PITPNA: variants seen among roughly 807,000 people sequenced by gnomAD.
The protein encoded by PITPNA is phosphatidylinositol transfer protein alpha isoform.
PITPNA carries 13 observed loss-of-function variants against 50.3 expected under a neutral mutation model. The observed-to-expected ratio is 0.26, with a 90% confidence interval of 0.17 to 0.41. The LOEUF (loss-of-function observed/expected upper bound fraction) is 0.41, where lower values mean the gene tolerates loss of function less well. Among genes scored for constraint, PITPNA ranks in the 10% least tolerant of loss-of-function variants. The pLI is 1.00. For missense variants in PITPNA, 207 were observed against 333.4 expected (o/e 0.62, Z 2.95); for synonymous variants, 120 against 119.6 (o/e 1.00, Z -0.02).
intron 10 of PITPNA, among the ~76,000 whole-genome samples, chr17:1,531,120 A>G (rs2075579906): frequency 6.6e-6 from 1 of 152,068 alleles, no homozygotes; most frequent in African/African-American, 2.4e-5. Context: ...AGGTGCTGCT[A>G]GGGGGAAGGT....
intron 4 of PITPNA, among the ~76,000 whole-genome samples, chr17:1,547,319 T>A (rs144510496): frequency 6.6e-6 from 1 of 151,898 alleles, no homozygotes; most frequent in Non-Finnish European, 1.5e-5. Context: ...TGAGCTGTGG[T>A]TGTGCCACTG....
At chr17:1,551,316 G>A (rs2075708112) in intron 3 of PITPNA, among the ~76,000 whole-genome samples, 1 of 151,102 alleles carries the variant, frequency 6.6e-6, no homozygotes, top group African/African-American at 2.4e-5. Flanking sequence ...GAGACAGGCG[G>A]GATCTCATTC....
At chr17:1,540,951 T>A (rs2075645376) in intron 6 of PITPNA, among the ~76,000 whole-genome samples, 1 of 152,082 alleles carries the variant, frequency 6.6e-6, no homozygotes, top group Non-Finnish European at 1.5e-5. Flanking sequence ...CAGGCTGGAG[T>A]GTGGTGGTGC....
intron 4 of PITPNA, among the ~76,000 whole-genome samples, chr17:1,547,235 A>G (rs930256669): frequency 6.7e-6 from 1 of 150,230 alleles, no homozygotes; most frequent in Non-Finnish European, 1.5e-5. Flanking sequence ...ACATGATGGC[A>G]TATGCCTATA....
intron 3 of PITPNA, among the ~76,000 whole-genome samples, chr17:1,549,385 T>A (rs185694673): frequency 6.6e-6 from 1 of 151,324 alleles, no homozygotes; most frequent in Admixed American, 6.6e-5. Context: ...GGCTCGATCT[T>A]GGCTCACTGC....
chr17:1,524,601 C>T (rs1054326509), intron 10 of PITPNA, among the ~76,000 whole-genome samples: 2 of 152,034 alleles, frequency 1.3e-5, no homozygotes, highest in Admixed American at 1.3e-4. Flanking sequence ...GATAACAGTA[C>T]ATAGGATTGT....
At position 1,522,071 on chromosome 17, in the gene PITPNA, C is replaced by CTTTTCTTTTCTTT. The variant is rs751204255; in HGVS notation, c.769-427_769-426insAAAGAAAAGAAAA. Among the ~76,000 whole-genome samples the CTTTTCTTTTCTTT allele has an allele frequency of 2.2e-3, 308 of 141,660 alleles. 3 individuals carry two copies. Among genetic ancestry groups the CTTTTCTTTTCTTT allele is most frequent in the African/African-American group, 7.9e-3 (293 of 37,260 alleles). 92.9% of individuals were successfully genotyped at this position (141,660 alleles called of 152,430 possible). A position where few individuals can be genotyped will look rare whatever the true frequency, so the allele number is the denominator to read the frequency against. ...CATTCAACAAATACTTATGAAACAT[C>CTTTTCTTTTCTTT]TTTTTTTTTTTGAGACGGAGTCTCG... On this transcript the variant is annotated intron_variant, in intron 10 of 11. Transcript: ENST00000313486.
intron 2 of PITPNA, among the ~76,000 whole-genome samples, chr17:1,553,801 T>G (rs1338153329): frequency 6.6e-6 from 1 of 152,176 alleles, no homozygotes; most frequent in Non-Finnish European, 1.5e-5. Context: ...TCTACTCGCT[T>G]CTTCTCTAGT....
intron 4 of PITPNA, among the ~76,000 whole-genome samples, chr17:1,545,741 A>G (rs1304334892): frequency 6.6e-6 from 1 of 152,128 alleles, no homozygotes; most frequent in African/African-American, 2.4e-5. Context: ...CACTCTTCCC[A>G]GAATGACACA....
chr17:1,533,463 A>AC (rs2075596158), intron 10 of PITPNA, among the ~76,000 whole-genome samples: 1 of 152,126 alleles, frequency 6.6e-6, no homozygotes, highest in Admixed American at 6.5e-5. Context: ...AGAATGGTAG[A>AC]CGGCACACAG....
Position 1,562,659 on chromosome 17 carries a change from T to A in PITPNA, c.-99A>T. 1.2e-6 allele frequency: 1 copy of A among 852,286 alleles called. No individual in the cohort carries two copies. Among genetic ancestry groups the A allele is most frequent in the Non-Finnish European group, 1.5e-6 (1 of 670,900 alleles). The allele number at this position is 852,286 out of a possible 1,614,324, so 52.8% of individuals were successfully genotyped here. ...TGGCCCGGCCCGGCCCGGCTGCCTG[T>A]GCGTCTTCGTCGTGCTCTGCTCCGT... On this transcript the variant is annotated 5_prime_UTR_variant, in exon 1 of 12. Coordinates refer to ENST00000313486, the MANE Select transcript of PITPNA (RefSeq NM_006224.4). This position sits in a 1 kb window ranked among gnomAD's most constrained non-coding sequence, Gnocchi z 6.4.
At chr17:1,549,154 C>G (rs918064564) in intron 3 of PITPNA, among the ~76,000 whole-genome samples, 2 of 152,030 alleles carry the variant, frequency 1.3e-5, no homozygotes, top group Admixed American at 6.5e-5. Context: ...GATCCACCCA[C>G]CTTGGCCTCC....
At chr17:1,549,498 A>G (rs144366030) in intron 3 of PITPNA, among the ~76,000 whole-genome samples, 12,679 of 131,822 alleles carry the variant, frequency 0.096, 1,235 homozygotes, top group East Asian at 0.34. Flanking sequence ...TTGTATTTTT[A>G]GTAAAGACAG....
chr17:1,544,708 C>A (rs1325685907), intron 4 of PITPNA, among the ~76,000 whole-genome samples: 1 of 152,212 alleles, frequency 6.6e-6, no homozygotes, highest in African/African-American at 2.4e-5. Context: ...GAGGCCAAGG[C>A]GGGCGGATCA....
intron 10 of PITPNA, among the ~76,000 whole-genome samples, chr17:1,532,041 T>A (rs767683515): frequency 2.6e-5 from 4 of 152,194 alleles, no homozygotes; most frequent in African/African-American, 4.8e-5. Flanking sequence ...AGTGATCACC[T>A]AAGCTTTTGG....
rs1298133972 is a variant in PITPNA, at chr17:1,518,176, A to G, written c.*2385T>C. 2.0e-5 allele frequency: 3 copies of G among 152,472 alleles called. No individual in the cohort carries two copies. Among genetic ancestry groups the G allele is most frequent in the Non-Finnish European group, 2.9e-5 (2 of 68,032 alleles). 9.4% of individuals were successfully genotyped at this position (152,472 alleles called of 1,614,324 possible). On this transcript the variant is annotated 3_prime_UTR_variant, in exon 12 of 12. Transcript: ENST00000313486. ...TCAGGGAGTCCCAGCAGGGACTGTA[A>G]AAGAACTTGGGAAGCTATACACATG...
chr17:1,559,796 C>A lies in PITPNA; in HGVS notation c.21-1237G>T, dbSNP rs1220738068. On this transcript the variant is annotated intron_variant, in intron 1 of 11. Coordinates refer to ENST00000313486, the MANE Select transcript of PITPNA (RefSeq NM_006224.4). ...CCAAGCAGGAAAGTAGCAGGAAAAA[C>A]AAAATGGGCTCCAAGTCTTTACTGC... 7 of 984,812 alleles carry A rather than the reference C, an allele frequency of 7.1e-6. No homozygotes were observed. In the East Asian group the frequency reaches 7.9e-4, roughly 112 times the overall value. 61.0% of individuals were successfully genotyped at this position (984,812 alleles called of 1,614,324 possible).
intron 3 of PITPNA, 133 bp from the exon 4 acceptor site, chr17:1,548,520 T>C: frequency 1.6e-6 from 1 of 624,192 alleles, no homozygotes; most frequent in Non-Finnish European, 2.7e-6. Context: ...CTGGTGGGAG[T>C]GAGAAGTTAC....
In PITPNA at chr17:1,562,535, A is replaced by T; in HGVS notation, c.20+6T>A. 1 of 1,419,620 alleles carries T rather than the reference A, an allele frequency of 7.0e-7. No homozygotes were observed. The highest frequency in any genetic ancestry group is 9.3e-7 in the Non-Finnish European group (1 of 1,080,724). The allele number at this position is 1,419,620 out of a possible 1,614,324, so 87.9% of individuals were successfully genotyped here. On this transcript the variant is annotated splice_donor_region_variant and intron_variant, in intron 1 of 11. Transcript: ENST00000313486. This position sits in a 1 kb window ranked among gnomAD's most constrained non-coding sequence, Gnocchi z 6.4. ...CCCCGCTTCCGCACGGCCGCCGGAC[A>T]CTCACTACTCCTTGAGCAGCACCAT... is the stretch of plus-strand genomic sequence containing the variant.
Sources: allele counts gnomAD v4.1 joint callset (sites outside exome capture counted in the v4.1 genomes callset), GRCh38; gene constraint gnomAD v4.1.1; non-coding constraint Gnocchi (gnomAD v3.1); transcripts MANE v1.5; gene names NCBI Gene and HGNC (gene_info 2026-07-23, HGNC 2026-07-21).